CCDC92: variants seen among roughly 807,000 people sequenced by gnomAD.
The protein encoded by CCDC92 is coiled-coil domain containing 92, also known as coiled-coil domain-containing protein 92.
CCDC92 carries 12 observed loss-of-function variants against 24.9 expected under a neutral mutation model. The ratio of observed to expected loss-of-function variants is 0.48; its 90% confidence interval spans 0.31 to 0.78. The LOEUF is 0.78. CCDC92 is among the 30% of genes least tolerant of loss of function. CCDC92 has a pLI of 0.05. For missense variants in CCDC92, 399 were observed against 439.4 expected, an observed-to-expected ratio of 0.91 and a Z score of 0.82; for synonymous variants, 193 against 196.3, an observed-to-expected ratio of 0.98 and a Z score of 0.14.
intron 1 of CCDC92, among the ~76,000 whole-genome samples, chr12:123,964,614 A>C (rs370428345): frequency 2.0e-5 from 3 of 152,210 alleles, no homozygotes; most frequent in South Asian, 4.1e-4. Context: ...ACAAAGGCTA[A>C]ATTAAATGGA....
At chr12:123,967,520 A>G (rs1056765327) in intron 1 of CCDC92, among the ~76,000 whole-genome samples, 3 of 152,198 alleles carry the variant, frequency 2.0e-5, no homozygotes, top group African/African-American at 7.2e-5. Flanking sequence ...TGACAGCCGA[A>G]GAGAAAGGAG....
At chr12:123,938,221 C>G (rs1955581506) in intron 4 of CCDC92, among the ~76,000 whole-genome samples, 1 of 152,188 alleles carries the variant, frequency 6.6e-6, no homozygotes, top group East Asian at 1.9e-4. Context: ...TTTTGAAACT[C>G]AAATGTAAAA....
chr12:123,950,436 G>A (rs780053902), intron 1 of CCDC92, among the ~76,000 whole-genome samples: 107 of 152,096 alleles, frequency 7.0e-4, no homozygotes, highest in Non-Finnish European at 5.9e-4. Flanking sequence ...CACCCAATAC[G>A]GCAAAAAGAC....
chr12:123,964,249 C>CT (rs1329114891), intron 1 of CCDC92, among the ~76,000 whole-genome samples: 5 of 151,810 alleles, frequency 3.3e-5, no homozygotes, highest in East Asian at 1.9e-4. Context: ...AGTTATTTAT[C>CT]TTTTTTTTAA....
At chr12:123,968,767 G>C (rs557558046) in intron 1 of CCDC92, among the ~76,000 whole-genome samples, 3 of 152,314 alleles carry the variant, frequency 2.0e-5, no homozygotes, top group South Asian at 4.1e-4. Context: ...ATCTGCTAGA[G>C]AACAAGACAG....
At chr12:123,955,364 G>A (rs966060845) in intron 1 of CCDC92, among the ~76,000 whole-genome samples, 4 of 152,122 alleles carry the variant, frequency 2.6e-5, no homozygotes, top group Non-Finnish European at 4.4e-5. Context: ...TCTACTAGTT[G>A]ATAACTAAAA....
Position 123,942,762 on chromosome 12 carries a change from T to C in CCDC92, c.205A>G (p.Lys69Glu). Reference sequence around the variant, plus strand: ...TTCTTACCTGTCTGTTCCGAACTTTTGACTGTCAGCTCATATGTTAAATCT... The same window carrying C: ...TTCTTACCTGTCTGTTCCGAACTTTCGACTGTCAGCTCATATGTTAAATCT... Reference protein sequence around the residue: ...CTDLTYELTVKSSEQTGDGTS... With the variant: ...CTDLTYELTVESSEQTGDGTS... Residue 69 changes from lysine (K) to glutamate (E), a missense_variant, in exon 4 of 5, where the codon AAA becomes GAA. By Grantham distance (56) the Lys-to-Glu change is moderately conservative (BLOSUM62 1). Coordinates refer to ENST00000238156, the MANE Select transcript of CCDC92 (RefSeq NM_025140.3). 1 of 1,608,890 alleles carries C rather than the reference T, an allele frequency of 6.2e-7. No homozygotes were observed. Among genetic ancestry groups the C allele is most frequent in the South Asian group, 1.1e-5 (1 of 91,010 alleles).
intron 1 of CCDC92, among the ~76,000 whole-genome samples, 199 bp downstream of exon 1, chr12:123,972,330 G>A (rs1281331382): frequency 6.6e-6 from 1 of 152,096 alleles, no homozygotes; most frequent in Non-Finnish European, 1.5e-5. Context: ...TGCCCCTGGG[G>A]GAGCTAACGT....
chr12:123,942,681 C>A (rs532944036), intron 4 of CCDC92, 63 bp downstream of exon 4: 4 of 1,277,640 alleles, frequency 3.1e-6, no homozygotes, highest in Non-Finnish European at 4.6e-6. Flanking sequence ...CTAGTGAAAA[C>A]GGCACCAACA....
intron 2 of CCDC92, chr12:123,943,722 C>A: frequency 1.7e-6 from 1 of 578,286 alleles, no homozygotes; most frequent in Non-Finnish European, 3.1e-6. Context: ...GGGGTGTGCC[C>A]TAGCACCTAG....
chr12:123,948,850 C>T (rs994497067), intron 1 of CCDC92, among the ~76,000 whole-genome samples: 2 of 152,176 alleles, frequency 1.3e-5, no homozygotes, highest in African/African-American at 2.4e-5. Flanking sequence ...AGAGTTTTCA[C>T]GGCTGAAAAG....
chr12:123,943,191 T>C (rs1955740550), intron 3 of CCDC92, among the ~76,000 whole-genome samples, 156 bp downstream of exon 3: 1 of 150,002 alleles, frequency 6.7e-6, no homozygotes, highest in South Asian at 2.1e-4. Flanking sequence ...GCTTAGTGCA[T>C]CTTGATTATG....
intron 1 of CCDC92, among the ~76,000 whole-genome samples, chr12:123,959,272 C>A (rs919928407): frequency 1.3e-5 from 2 of 152,040 alleles, no homozygotes; most frequent in Non-Finnish European, 2.9e-5. Flanking sequence ...ATATTCTATT[C>A]TCTGTTGTCC....
chr12:123,965,989 GAAAA>G (rs1956384272), intron 1 of CCDC92: 1 of 152,136 alleles, frequency 6.6e-6, no homozygotes, highest in Non-Finnish European at 1.5e-5. Flanking sequence ...ATTCAAATGA[GAAAA>G]AATGGGTTTT....
At chr12:123,963,134 G>A (rs918806892) in intron 1 of CCDC92, among the ~76,000 whole-genome samples, 18 of 152,174 alleles carry the variant, frequency 1.2e-4, no homozygotes, top group East Asian at 3.8e-4. Context: ...AGACCATAAC[G>A]CACAGGACAG....
intron 1 of CCDC92, among the ~76,000 whole-genome samples, chr12:123,969,021 G>A (rs779687279): frequency 6.6e-6 from 1 of 152,138 alleles, no homozygotes; most frequent in Non-Finnish European, 1.5e-5. Flanking sequence ...GTGTTCACAG[G>A]CAACTCTGCT....
intron 3 of CCDC92, 27 bp downstream of exon 3, chr12:123,943,320 C>T (rs201614639): frequency 3.1e-6 from 5 of 1,605,960 alleles, no homozygotes; most frequent in East Asian, 4.5e-5. Flanking sequence ...CCGCCCCCCG[C>T]CTGCCCGGGC....
At position 123,940,309 on chromosome 12, in the gene CCDC92, T is replaced by C. The variant is rs143466479; in HGVS notation, c.223+2435A>G. Among the ~76,000 whole-genome samples, 1,500 of 152,294 alleles carry C rather than the reference T, an allele frequency of 9.8e-3. 13 individuals carry two copies. Among genetic ancestry groups the C allele is most frequent in the Non-Finnish European group, 0.016 (1,107 of 68,008 alleles). ...GCCCAAATCTGGGGCTCATTAAGCA[T>C]CACTCTGGTTCTTTTCGCCACAGCA... is the stretch of plus-strand genomic sequence containing the variant. On this transcript the variant is annotated intron_variant, in intron 4 of 4. Transcript: ENST00000238156.
intron 2 of CCDC92, 100 bp from the exon 3 acceptor site, chr12:123,943,593 G>T: frequency 1.5e-6 from 2 of 1,329,556 alleles, no homozygotes; most frequent in Non-Finnish European, 2.1e-6. Flanking sequence ...CCTCCCAGGA[G>T]AGAGCAGAAG....
Sources: allele counts gnomAD v4.1 joint callset (sites outside exome capture counted in the v4.1 genomes callset), GRCh38; gene constraint gnomAD v4.1.1; transcripts MANE v1.5; gene names NCBI Gene and HGNC (gene_info 2026-07-23, HGNC 2026-07-21).